The following MAST4 variants were observed in gnomAD, a reference collection of about 807,000 sequenced individuals.
MAST4 encodes microtubule-associated serine/threonine-protein kinase 4.
MAST4 carries 89 observed loss-of-function variants against 162.7 expected under a neutral mutation model. The observed-to-expected ratio is 0.55, with a 90% CI of 0.46 to 0.65. The LOEUF is 0.65. Among genes scored for constraint, MAST4 ranks in the 30% least tolerant of loss-of-function variants. The pLI is 0.00. For missense variants in MAST4, 3,153 were observed against 3,374.0 expected, an observed-to-expected ratio of 0.93 and a Z score of 1.62; for synonymous variants, 1,479 against 1,361.1, an observed-to-expected ratio of 1.09 and a Z score of -1.91.
At chr5:67,135,524 A>G (rs1769498863) in intron 18 of MAST4, among the ~76,000 whole-genome samples, 1 of 152,218 alleles carries the variant, frequency 6.6e-6, no homozygotes, top group Non-Finnish European at 1.5e-5. Flanking sequence ...TTCATTTTGC[A>G]TATGAGGGGC....
chr5:67,144,867 A>G (rs1044594829), intron 22 of MAST4, 71 bp downstream of exon 22: 13 of 1,512,062 alleles, frequency 8.6e-6, no homozygotes, highest in African/African-American at 1.4e-5. Flanking sequence ...TTTAGTGAGC[A>G]TCAGAATACC....
intron 1 of MAST4, among the ~76,000 whole-genome samples, chr5:66,753,420 A>G (rs1474977559): frequency 1.3e-5 from 2 of 151,494 alleles, no homozygotes; most frequent in African/African-American, 2.4e-5. Context: ...TAATAAAGAA[A>G]AAAAGAGAGA....
At chr5:66,870,132 C>G (rs751780386) in intron 3 of MAST4, among the ~76,000 whole-genome samples, 1 of 152,158 alleles carries the variant, frequency 6.6e-6, no homozygotes, top group South Asian at 2.1e-4. Context: ...TTAACAGGAT[C>G]GGTCTTAGGA....
At chr5:66,988,246 A>G (rs1333153690) in intron 4 of MAST4, among the ~76,000 whole-genome samples, 5 of 152,202 alleles carry the variant, frequency 3.3e-5, no homozygotes, top group African/African-American at 7.2e-5. Flanking sequence ...GAAGGGGGTT[A>G]TCCTTAGCAT....
At chr5:66,810,218 A>C (rs1407569390) in intron 3 of MAST4, among the ~76,000 whole-genome samples, 3 of 152,064 alleles carry the variant, frequency 2.0e-5, no homozygotes, top group Non-Finnish European at 4.4e-5. Flanking sequence ...GATGCCTTAG[A>C]GTGTGTTGTG....
At chr5:66,796,701 T>C (rs574042021) in intron 3 of MAST4, among the ~76,000 whole-genome samples, 1 of 152,312 alleles carries the variant, frequency 6.6e-6, no homozygotes, top group African/African-American at 2.4e-5. Flanking sequence ...TATATGTACG[T>C]AGATCTCTGC....
At chr5:66,890,901 T>A (rs1325040095) in intron 3 of MAST4, among the ~76,000 whole-genome samples, 1 of 152,204 alleles carries the variant, frequency 6.6e-6, no homozygotes, top group Admixed American at 6.5e-5. Flanking sequence ...AATAAGATAA[T>A]GTATGTCACT....
rs572446914 is a variant in MAST4, at chr5:67,113,684, T to C, written c.1459-403T>C. On this transcript the variant is annotated intron_variant, in intron 11 of 28. Coordinates refer to ENST00000403625, the MANE Select transcript of MAST4 (RefSeq NM_001164664.2). ...TAAATATATTCTAACATTCCTTTTG[T>C]TGCTGGTTGAGTGGAGAGAGAAATT... Among the ~76,000 whole-genome samples, 54 of 152,334 alleles carry C rather than the reference T, an allele frequency of 3.5e-4. 1 individual carries two copies. Among genetic ancestry groups the C allele is most frequent in the Admixed American group, 3.4e-3 (52 of 15,302 alleles).
intron 3 of MAST4, among the ~76,000 whole-genome samples, chr5:66,867,616 T>C (rs2149860051): frequency 6.6e-6 from 1 of 152,356 alleles, no homozygotes; most frequent in Non-Finnish European, 1.5e-5. Context: ...TTTATTTACA[T>C]AACTGAGAGT....
chr5:67,060,660 G>T (rs906586998), intron 5 of MAST4, among the ~76,000 whole-genome samples: 2 of 151,944 alleles, frequency 1.3e-5, no homozygotes, highest in Non-Finnish European at 2.9e-5. Flanking sequence ...TGTATTTTTA[G>T]TAGAGACGGG....
chr5:66,653,978 A>G (rs1421752893), intron 1 of MAST4, among the ~76,000 whole-genome samples: 1 of 152,220 alleles, frequency 6.6e-6, no homozygotes, highest in African/African-American at 2.4e-5. Context: ...TTCAACAATT[A>G]TATATTGAAT....
chr5:66,973,022 C>T (rs1021174549), intron 4 of MAST4, among the ~76,000 whole-genome samples: 10 of 152,290 alleles, frequency 6.6e-5, no homozygotes, highest in African/African-American at 2.2e-4. Flanking sequence ...CATCTTGATT[C>T]ACCAGTTAAC....
At chr5:66,799,174 T>G (rs1755796089) in intron 3 of MAST4, among the ~76,000 whole-genome samples, 2 of 152,186 alleles carry the variant, frequency 1.3e-5, no homozygotes, top group Admixed American at 6.5e-5. Context: ...CTCGGACTCC[T>G]CTTCCCAGGC....
chr5:66,653,879 G>C (rs1746383890), intron 1 of MAST4, among the ~76,000 whole-genome samples: 1 of 152,126 alleles, frequency 6.6e-6, no homozygotes, highest in African/African-American at 2.4e-5. Context: ...CTTCAATAAA[G>C]TTGTAAGTTC....
intron 5 of MAST4, among the ~76,000 whole-genome samples, chr5:67,085,067 G>T (rs559554878): frequency 6.6e-6 from 1 of 152,236 alleles, no homozygotes; most frequent in South Asian, 2.1e-4. Context: ...AAGTAAAAAC[G>T]ACTAAAGCTT....
chr5:66,943,433 A>G (rs949201814), intron 4 of MAST4, among the ~76,000 whole-genome samples: 1 of 152,126 alleles, frequency 6.6e-6, no homozygotes, highest in Non-Finnish European at 1.5e-5. Context: ...TCCCCATTTT[A>G]TAAAGTTAAT....
chr5:67,167,099 G>A lies in MAST4; in HGVS notation c.*48G>A. 6.8e-7 allele frequency: 1 copy of A among 1,474,808 alleles called. No homozygotes were observed. The allele number at this position is 1,474,808 out of a possible 1,614,324, so 91.4% of individuals were successfully genotyped here. ...CTGTGGAGACCCGTCCTGAACGGGC[G>A]ACTGTGTCTTGACTACCTTTCAAAA... On this transcript the variant is annotated 3_prime_UTR_variant, in exon 29 of 29. Coordinates refer to ENST00000403625, the MANE Select transcript of MAST4 (RefSeq NM_001164664.2).
intron 2 of MAST4, among the ~76,000 whole-genome samples, chr5:66,768,219 T>C (rs1754191747): frequency 6.6e-6 from 1 of 152,218 alleles, no homozygotes; most frequent in Non-Finnish European, 1.5e-5. Context: ...AGATCCATCT[T>C]AATGCGGGAG....
At chr5:66,991,231 GA>G (rs1750034992) in intron 4 of MAST4, among the ~76,000 whole-genome samples, 1 of 152,056 alleles carries the variant, frequency 6.6e-6, no homozygotes, top group African/African-American at 2.4e-5. Context: ...GTAGCAAGTT[GA>G]AAAAAATTCA....
Sources: allele counts gnomAD v4.1 joint callset (sites outside exome capture counted in the v4.1 genomes callset), GRCh38; gene constraint gnomAD v4.1.1; transcripts MANE v1.5; gene names NCBI Gene and HGNC (gene_info 2026-07-23, HGNC 2026-07-21).